The following ARHGAP26 variants were observed in gnomAD, a reference collection of about 807,000 sequenced individuals.
ARHGAP26 encodes Rho GTPase activating protein 26.
A neutral mutation model predicts 104.8 loss-of-function variants in ARHGAP26; 38 were observed. The observed-to-expected ratio is 0.36, with a 90% confidence interval of 0.28 to 0.48. The LOEUF (loss-of-function observed/expected upper bound fraction) is 0.48, where lower values mean the gene tolerates loss of function less well. Ranked by LOEUF, ARHGAP26 falls within the 20% of genes least tolerant of loss-of-function variation. The pLI is 0.99. For synonymous variants in ARHGAP26, 341 were observed against 340.0 expected, an observed-to-expected ratio of 1.00 and a Z score of -0.03; for missense variants, 704 against 947.9, an observed-to-expected ratio of 0.74 and a Z score of 3.38.
intron 1 of ARHGAP26, among the ~76,000 whole-genome samples, chr5:142,827,334 C>T (rs964583194): frequency 2.0e-5 from 3 of 152,198 alleles, no homozygotes; most frequent in Admixed American, 2.0e-4. Flanking sequence ...GTCTCCTGAA[C>T]GTGGGCTCAG....
chr5:143,043,314 A>G (rs1414859793), intron 14 of ARHGAP26, among the ~76,000 whole-genome samples: 1 of 152,098 alleles, frequency 6.6e-6, no homozygotes, highest in South Asian at 2.1e-4. Flanking sequence ...ACCTTTTGGG[A>G]TTGGCATTGT....
chr5:143,009,627 TTAGA>T (rs1208832975), intron 11 of ARHGAP26, among the ~76,000 whole-genome samples: 1 of 152,236 alleles, frequency 6.6e-6, no homozygotes, highest in East Asian at 1.9e-4. Flanking sequence ...TTAATGATTC[TTAGA>T]TGGACCGTGA....
At chr5:143,184,346 C>G (rs951567359) in intron 20 of ARHGAP26, among the ~76,000 whole-genome samples, 1 of 151,628 alleles carries the variant, frequency 6.6e-6, no homozygotes, top group Non-Finnish European at 1.5e-5. Flanking sequence ...TTTGTCTCTC[C>G]CGTAAAAACA....
intron 17 of ARHGAP26, among the ~76,000 whole-genome samples, chr5:143,090,856 G>A (rs749961174): frequency 1.3e-5 from 2 of 152,162 alleles, no homozygotes; most frequent in African/African-American, 2.4e-5. Context: ...GGTCTTTATC[G>A]AAATCTCCCC....
At chr5:142,821,315 T>G (rs1022214615) in intron 1 of ARHGAP26, among the ~76,000 whole-genome samples, 1 of 149,866 alleles carries the variant, frequency 6.7e-6, no homozygotes, top group Non-Finnish European at 1.5e-5. Context: ...TTTTTTTTTT[T>G]TTTTTTTTTT....
At chr5:143,157,717 C>A (rs193241378) in intron 20 of ARHGAP26, among the ~76,000 whole-genome samples, 1 of 152,130 alleles carries the variant, frequency 6.6e-6, no homozygotes, top group African/African-American at 2.4e-5. Flanking sequence ...TGGTAGAGAT[C>A]CTTTCAGAGA....
At chr5:143,150,827 A>G (rs887623732) in intron 20 of ARHGAP26, among the ~76,000 whole-genome samples, 1 of 152,238 alleles carries the variant, frequency 6.6e-6, no homozygotes, top group Non-Finnish European at 1.5e-5. Flanking sequence ...CCTCTAGAAG[A>G]TAACATAGGA....
intron 1 of ARHGAP26, among the ~76,000 whole-genome samples, chr5:142,843,261 C>T (rs375687559): frequency 6.6e-5 from 10 of 152,182 alleles, no homozygotes; most frequent in African/African-American, 2.4e-4. Context: ...TGTTGCTTCC[C>T]AAGCATGCAG....
At chr5:142,803,802 A>G (rs1053097354) in intron 1 of ARHGAP26, among the ~76,000 whole-genome samples, 1 of 152,220 alleles carries the variant, frequency 6.6e-6, no homozygotes, top group Non-Finnish European at 1.5e-5. Flanking sequence ...TGAACATCCC[A>G]TTCTGCATGC....
chr5:142,847,182 T>C (rs1772148547), intron 1 of ARHGAP26, among the ~76,000 whole-genome samples: 1 of 152,104 alleles, frequency 6.6e-6, no homozygotes, highest in Non-Finnish European at 1.5e-5. Flanking sequence ...AATGAAACAA[T>C]GTTTGTAAAT....
intron 1 of ARHGAP26, among the ~76,000 whole-genome samples, chr5:142,867,270 A>G (rs1195804141): frequency 6.7e-6 from 1 of 148,830 alleles, no homozygotes; most frequent in African/African-American, 2.5e-5. Flanking sequence ...ATTTTGTTTC[A>G]TTCTAAGATT....
intron 12 of ARHGAP26, among the ~76,000 whole-genome samples, chr5:143,022,752 TA>T (rs932987712): frequency 1.3e-5 from 2 of 152,196 alleles, no homozygotes; most frequent in African/African-American, 2.4e-5. Context: ...CTCACAGGCT[TA>T]AAGAGGTCAA....
intron 10 of ARHGAP26, among the ~76,000 whole-genome samples, chr5:142,913,907 T>C (rs1762156367): frequency 6.6e-6 from 1 of 152,194 alleles, no homozygotes; most frequent in Admixed American, 6.5e-5. Context: ...TTAAGCTAGT[T>C]TGACAACATT....
chr5:143,160,702 C>A (rs940502788), intron 20 of ARHGAP26, among the ~76,000 whole-genome samples: 1 of 151,762 alleles, frequency 6.6e-6, no homozygotes, highest in African/African-American at 2.4e-5. Flanking sequence ...CCAGGCTAGT[C>A]CCCTGGATGC....
At chr5:142,927,349 A>C (rs1295539557) in intron 10 of ARHGAP26, among the ~76,000 whole-genome samples, 1 of 150,334 alleles carries the variant, frequency 6.7e-6, no homozygotes, top group Non-Finnish European at 1.5e-5. Context: ...AAAAAAAATC[A>C]CTCTTCTGAC....
At chr5:143,136,792 T>C (rs567039202) in intron 19 of ARHGAP26, among the ~76,000 whole-genome samples, 1 of 152,356 alleles carries the variant, frequency 6.6e-6, no homozygotes, top group Admixed American at 6.5e-5. Context: ...GTCTGGTCTA[T>C]GGACAAAGAC....
intron 6 of ARHGAP26, among the ~76,000 whole-genome samples, chr5:142,898,536 CTGGACTT>C (rs915341083): frequency 3.3e-5 from 5 of 152,306 alleles, no homozygotes; most frequent in African/African-American, 1.2e-4. Context: ...ATTCTTTTCT[CTGGACTT>C]TGCATTCTGC....
At chr5:143,015,668 A>G (rs1001803262) in intron 12 of ARHGAP26, among the ~76,000 whole-genome samples, 5 of 152,110 alleles carry the variant, frequency 3.3e-5, no homozygotes, top group African/African-American at 1.2e-4. Flanking sequence ...AGATACTCAC[A>G]CCTGGCCCTG....
intron 1 of ARHGAP26, among the ~76,000 whole-genome samples, chr5:142,818,658 C>T (rs34119763): frequency 0.044 from 6,773 of 152,240 alleles, 211 homozygotes; most frequent in East Asian, 0.11. Flanking sequence ...AGGAAAATGA[C>T]ATTACCACCT....
Sources: gnomAD v4.1 joint callset for allele counts (sites outside exome capture counted in the v4.1 genomes callset) on GRCh38, gnomAD v4.1.1 for gene constraint, MANE v1.5 for transcripts, NCBI Gene and HGNC (gene_info 2026-07-23, HGNC 2026-07-21) for gene names.